DIP2C: variants seen among roughly 807,000 people sequenced by gnomAD.
DIP2C encodes the protein disco-interacting protein 2 homolog C.
A neutral mutation model predicts 192.4 loss-of-function variants in DIP2C; 33 were observed. The ratio of observed to expected loss-of-function variants is 0.17; its 90% CI spans 0.13 to 0.23. DIP2C has a LOEUF of 0.23. Among genes scored for constraint, DIP2C ranks in the 10% least tolerant of loss-of-function variants. The pLI, the probability that DIP2C is intolerant of heterozygous loss-of-function variation, is 1.00. For missense variants in DIP2C, 1,537 were observed against 2,110.1 expected, an observed-to-expected ratio of 0.73 and a Z score of 5.32; for synonymous variants, 979 against 864.1, an observed-to-expected ratio of 1.13 and a Z score of -2.33.
chr10:550,919 G>T (rs925343023), intron 1 of DIP2C, among the ~76,000 whole-genome samples: 1 of 152,162 alleles, frequency 6.6e-6, no homozygotes, highest in African/African-American at 2.4e-5. Flanking sequence ...CGTGCACATG[G>T]CTTCCCCGGG....
intron 29 of DIP2C, among the ~76,000 whole-genome samples, chr10:340,406 A>C (rs7095303): frequency 0.99 from 151,143 of 152,112 alleles, 75,099 homozygotes; most frequent in Middle Eastern, 1. Flanking sequence ...AAAATGCTGA[A>C]ATGTGAAGCT....
At chr10:536,195 G>A (rs1318597793) in intron 1 of DIP2C, among the ~76,000 whole-genome samples, 1 of 152,210 alleles carries the variant, frequency 6.6e-6, no homozygotes, top group Non-Finnish European at 1.5e-5. Flanking sequence ...CCCTCAGCTT[G>A]AAACCACATC....
chr10:588,725 G>A (rs1217771039), intron 1 of DIP2C, among the ~76,000 whole-genome samples: 1 of 152,226 alleles, frequency 6.6e-6, no homozygotes, highest in African/African-American at 2.4e-5. Context: ...CGCAGGCGGG[G>A]AGGGTGGTGC....
At chr10:484,347 T>TGC (rs1843839433) in intron 2 of DIP2C, among the ~76,000 whole-genome samples, 1 of 152,244 alleles carries the variant, frequency 6.6e-6, no homozygotes, top group African/African-American at 2.4e-5. Flanking sequence ...ACCCTTACTT[T>TGC]GCTCTTTGGA....
chr10:427,706 A>G (rs2133196553), intron 4 of DIP2C, among the ~76,000 whole-genome samples: 1 of 152,374 alleles, frequency 6.6e-6, no homozygotes, highest in South Asian at 2.1e-4. Context: ...TAAATACACA[A>G]TGATATACCA....
At chr10:414,823 G>T (rs1965498194) in intron 7 of DIP2C, among the ~76,000 whole-genome samples, 1 of 131,610 alleles carries the variant, frequency 7.6e-6, no homozygotes, top group Non-Finnish European at 1.6e-5. Context: ...ACAGGTTTGG[G>T]CAATATATAT....
chr10:414,707 ATGTG>A (rs71199933), intron 7 of DIP2C, among the ~76,000 whole-genome samples: 40 of 47,816 alleles, frequency 8.4e-4, no homozygotes, highest in East Asian at 3.7e-3. Context: ...GTGTGTATGT[ATGTG>A]TGTGTGTGTG....
intron 3 of DIP2C, among the ~76,000 whole-genome samples, chr10:464,248 T>C (rs1034286066): frequency 3.3e-5 from 5 of 152,096 alleles, no homozygotes; most frequent in African/African-American, 1.2e-4. Flanking sequence ...TCCATCCATC[T>C]GACAAAGGGC....
chr10:526,853 T>C (rs1847086155), intron 1 of DIP2C, among the ~76,000 whole-genome samples: 1 of 152,252 alleles, frequency 6.6e-6, no homozygotes, highest in Non-Finnish European at 1.5e-5. Flanking sequence ...TCTGAGGCTC[T>C]GTCCTGCCAG....
In DIP2C at chr10:356,233, T is replaced by G. The variant is rs1355634288; in HGVS notation, c.2985+193A>C. 1.2e-5 allele frequency: 8 copies of G among 683,854 alleles called. No individual in the cohort carries two copies. The East Asian group carries it at 2.2e-4, about 18-fold the overall frequency. 42.4% of individuals were successfully genotyped at this position (683,854 alleles called of 1,614,324 possible). On this transcript the variant is annotated intron_variant, in intron 24 of 36. Transcript: ENST00000280886. ...AAATATCTGTACACACAAATAGGTG[T>G]AAATAACTGCACAAATGGTTACGTT...
intron 1 of DIP2C, among the ~76,000 whole-genome samples, chr10:508,468 C>T (rs999870828): frequency 3.3e-5 from 5 of 152,108 alleles, no homozygotes; most frequent in African/African-American, 9.7e-5. Context: ...AATTTCATAC[C>T]GCATCCGGCC....
rs187271736 is a variant in DIP2C, at chr10:462,927, C to A, written c.268+9512G>T. Among the ~76,000 whole-genome samples, 198 of 152,268 alleles carry A rather than the reference C, an allele frequency of 1.3e-3. 1 individual carries two copies. Among genetic ancestry groups the A allele is most frequent in the African/African-American group, 4.6e-3 (189 of 41,534 alleles). On this transcript the variant is annotated intron_variant, in intron 3 of 36. Coordinates refer to ENST00000280886, the MANE Select transcript of DIP2C (RefSeq NM_014974.3). ...CTAATGACAAAAACCACATGATTATCCCAATAGATGCAGAAAAGGCCTTTG... is the reference window on the plus strand; with the variant it reads ...CTAATGACAAAAACCACATGATTATACCAATAGATGCAGAAAAGGCCTTTG...
At chr10:379,736 C>T (rs1962156725) in intron 17 of DIP2C, among the ~76,000 whole-genome samples, 1 of 152,252 alleles carries the variant, frequency 6.6e-6, no homozygotes, top group African/African-American at 2.4e-5. Context: ...TAATCGTTAT[C>T]CTTTTTAAAT....
chr10:281,303 C>T lies in DIP2C; in HGVS notation c.4315G>A (p.Val1439Met), dbSNP rs1170513281. Residue 1439 changes from valine (V) to methionine (M), a missense_variant, in exon 36 of 37, where the codon GTG becomes ATG. Transcript: ENST00000280886. ...ANGERHDALY[V>M]VGALDEAMEL... ...ATGGCTTCGTCCAGTGCCCCTACCACGTAGAGGGCATCATGGCGCTCTGTG... is the reference window on the plus strand; with the variant it reads ...ATGGCTTCGTCCAGTGCCCCTACCATGTAGAGGGCATCATGGCGCTCTGTG... The T allele has an allele frequency of 4.3e-6, 7 of 1,613,472 alleles. No homozygotes were observed. The highest frequency in any genetic ancestry group is 2.7e-5 in the African/African-American group (2 of 75,028).
rs539226035 is a variant in DIP2C at position 342,459 on chromosome 10, C to T, written c.3454-1130G>A. ...AGGCACGAGACACCGCGCCTGGCCT[C>T]GTGTGACCCTCTCTCTAACACACCG... On this transcript the variant is annotated intron_variant, in intron 28 of 36. Transcript: ENST00000280886. Among the ~76,000 whole-genome samples, 6 of 152,192 alleles carry T rather than the reference C, an allele frequency of 3.9e-5. No individual in the cohort carries two copies. In the East Asian group the frequency reaches 5.8e-4, roughly 15 times the overall value.
chr10:548,095 T>A (rs939538206), intron 1 of DIP2C, among the ~76,000 whole-genome samples: 1 of 152,038 alleles, frequency 6.6e-6, no homozygotes, highest in African/African-American at 2.4e-5. Flanking sequence ...CAGGACCAAA[T>A]TCTGAGCAAA....
intron 1 of DIP2C, among the ~76,000 whole-genome samples, chr10:495,390 T>A (rs561182725): frequency 4.9e-4 from 75 of 152,246 alleles, no homozygotes; most frequent in Admixed American, 2.1e-3. Context: ...AGAGAATGGA[T>A]CTTCTGTATT....
intron 1 of DIP2C, among the ~76,000 whole-genome samples, chr10:489,489 C>T (rs1055205205): frequency 1.3e-5 from 2 of 152,242 alleles, no homozygotes; most frequent in Non-Finnish European, 2.9e-5. Context: ...CCTCCCTGAA[C>T]AGCTTCTTGG....
At chr10:313,863 A>G (rs1041734431) in intron 31 of DIP2C, among the ~76,000 whole-genome samples, 2 of 152,234 alleles carry the variant, frequency 1.3e-5, no homozygotes, top group Admixed American at 1.3e-4. Context: ...AGAAAACACA[A>G]AACAGCACTA....
Sources: allele counts gnomAD v4.1 joint callset (sites outside exome capture counted in the v4.1 genomes callset), GRCh38; gene constraint gnomAD v4.1.1; transcripts MANE v1.5; gene names NCBI Gene and HGNC (gene_info 2026-07-23, HGNC 2026-07-21).